Variants in KCNN2 observed in about 807,000 individuals in gnomAD.
KCNN2 encodes the protein small conductance calcium-activated potassium channel protein 2.
A neutral mutation model predicts 55.5 loss-of-function variants in KCNN2; 24 were observed. The observed-to-expected ratio is 0.43, with a 90% CI of 0.31 to 0.61. KCNN2 has a LOEUF of 0.61. KCNN2 is among the 20% of genes least tolerant of loss of function. The pLI is 0.08. For synonymous variants in KCNN2, 431 were observed against 336.1 expected (o/e 1.28, Z -3.09); for missense variants, 754 against 853.6 (o/e 0.88, Z 1.45).
At chr5:114,059,947 C>A (rs935921940) in intron 1 of KCNN2, among the ~76,000 whole-genome samples, 1 of 152,180 alleles carries the variant, frequency 6.6e-6, no homozygotes, top group Non-Finnish European at 1.5e-5. Context: ...CAAGTGGAGC[C>A]ATGAGATTTG....
At chr5:114,457,551 C>A (rs1211763800) in intron 3 of KCNN2, among the ~76,000 whole-genome samples, 1 of 152,166 alleles carries the variant, frequency 6.6e-6, no homozygotes, top group Non-Finnish European at 1.5e-5. Flanking sequence ...CACAGTCTTT[C>A]TTCACCTGAT....
intron 2 of KCNN2, among the ~76,000 whole-genome samples, chr5:114,228,609 A>G (rs567944330): frequency 2.6e-5 from 4 of 152,208 alleles, no homozygotes; most frequent in Non-Finnish European, 5.9e-5. Flanking sequence ...CTGAAATTGC[A>G]GTTACACTAA....
At chr5:114,134,458 G>GATTGATTTATTTATTTATTT (rs1452509272) in intron 1 of KCNN2, among the ~76,000 whole-genome samples, 1 of 137,364 alleles carries the variant, frequency 7.3e-6, no homozygotes, top group African/African-American at 2.8e-5. Flanking sequence ...ATCCAACCAT[G>GATTGATTTATTTATTTATTT]ATTTATTTAT....
chr5:114,373,485 A>C (rs546246194), intron 2 of KCNN2, among the ~76,000 whole-genome samples: 1 of 150,606 alleles, frequency 6.6e-6, no homozygotes, highest in South Asian at 2.1e-4. Flanking sequence ...CTGTTTTTAC[A>C]ACATAGTCTT....
intron 2 of KCNN2, among the ~76,000 whole-genome samples, chr5:114,224,803 G>A (rs1754208881): frequency 6.6e-6 from 1 of 152,182 alleles, no homozygotes; most frequent in Non-Finnish European, 1.5e-5. Flanking sequence ...GAAGAGTGTA[G>A]GCTTTGAGTC....
intron 2 of KCNN2, among the ~76,000 whole-genome samples, chr5:114,378,881 C>G (rs994987912): frequency 6.6e-6 from 1 of 152,078 alleles, no homozygotes; most frequent in Non-Finnish European, 1.5e-5. Context: ...TGTATTTTGC[C>G]CTAAGAAAGC....
At chr5:114,176,984 A>G (rs867846431) in intron 1 of KCNN2, among the ~76,000 whole-genome samples, 1 of 152,160 alleles carries the variant, frequency 6.6e-6, no homozygotes, top group Middle Eastern at 3.4e-3. Context: ...TTTTTAAACC[A>G]TAACTCTCTT....
intron 2 of KCNN2, among the ~76,000 whole-genome samples, chr5:114,267,747 C>T (rs973155231): frequency 6.6e-6 from 1 of 151,900 alleles, no homozygotes; most frequent in Non-Finnish European, 1.5e-5. Context: ...AGGGTTTTTC[C>T]CTGGAAGAGG....
intron 1 of KCNN2, among the ~76,000 whole-genome samples, chr5:114,118,007 T>C (rs574574510): frequency 2.0e-5 from 3 of 152,128 alleles, no homozygotes; most frequent in African/African-American, 4.8e-5. Context: ...CAAACAGATA[T>C]AGCTACAAAG....
intron 2 of KCNN2, among the ~76,000 whole-genome samples, chr5:114,288,781 A>T (rs1054634271): frequency 1.3e-5 from 2 of 152,112 alleles, no homozygotes; most frequent in Admixed American, 6.5e-5. Context: ...TAGATATATG[A>T]TTTGCAAATA....
At position 114,289,313 on chromosome 5, in the gene KCNN2, G is replaced by A. The variant is rs541208833; in HGVS notation, c.-185+67748G>A. ...GTTCTTTTTCAAGATCATTTTGGCT[G>A]TTTGACCAGTTTCAAGATTGTTTAG... On this transcript the variant is annotated intron_variant, in intron 2 of 10. Transcript: ENST00000512097. 1.4e-4 allele frequency among the ~76,000 whole-genome samples: 21 copies of A among 149,016 alleles called. 1 individual carries two copies. The South Asian group carries it at 4.1e-3, about 29-fold the overall frequency.
intron 2 of KCNN2, among the ~76,000 whole-genome samples, chr5:114,234,614 C>G (rs1754434945): frequency 6.6e-6 from 1 of 152,146 alleles, no homozygotes; most frequent in Non-Finnish European, 1.5e-5. Context: ...TCCAAAAATA[C>G]ACTGTGCTGC....
At chr5:114,376,311 C>T (rs1362449802) in intron 2 of KCNN2, among the ~76,000 whole-genome samples, 2 of 152,152 alleles carry the variant, frequency 1.3e-5, no homozygotes, top group Non-Finnish European at 2.9e-5. Flanking sequence ...ATCCTTCCTG[C>T]ACAGAGACCA....
chr5:114,406,755 T>C (rs1758949136), intron 3 of KCNN2, among the ~76,000 whole-genome samples: 1 of 152,198 alleles, frequency 6.6e-6, no homozygotes. Flanking sequence ...TTGCCTTTTT[T>C]GTATGCTCAG....
intron 1 of KCNN2, among the ~76,000 whole-genome samples, chr5:114,208,249 T>C (rs909583396): frequency 6.6e-6 from 1 of 152,188 alleles, no homozygotes; most frequent in Admixed American, 6.5e-5. Flanking sequence ...CGGAGTGTAA[T>C]TGTGGCTACT....
At chr5:114,214,254 T>C (rs1420479674) in intron 1 of KCNN2, among the ~76,000 whole-genome samples, 1 of 151,980 alleles carries the variant, frequency 6.6e-6, no homozygotes, top group Non-Finnish European at 1.5e-5. Flanking sequence ...AAGACAGCTA[T>C]AGACGATGTA....
intron 2 of KCNN2, among the ~76,000 whole-genome samples, chr5:114,336,433 G>A (rs1234764696): frequency 2.6e-5 from 4 of 152,152 alleles, no homozygotes; most frequent in African/African-American, 4.8e-5. Context: ...CATGAAGAGT[G>A]CTCAAATAAT....
intron 4 of KCNN2, among the ~76,000 whole-genome samples, chr5:114,469,014 A>G (rs1761581374): frequency 6.6e-6 from 1 of 152,202 alleles, no homozygotes; most frequent in South Asian, 2.1e-4. Flanking sequence ...CAAGGGCTCA[A>G]CATGGCTTAC....
At chr5:114,190,683 T>C (rs1753430815) in intron 1 of KCNN2, among the ~76,000 whole-genome samples, 1 of 152,190 alleles carries the variant, frequency 6.6e-6, no homozygotes, top group Admixed American at 6.6e-5. Flanking sequence ...AAACATTAAA[T>C]TTTAATGTTT....
Sources: gnomAD v4.1 joint callset for allele counts (sites outside exome capture counted in the v4.1 genomes callset) on GRCh38, gnomAD v4.1.1 for gene constraint, MANE v1.5 for transcripts, NCBI Gene and HGNC (gene_info 2026-07-23, HGNC 2026-07-21) for gene names.